The following SLC22A25 variants were observed in gnomAD, a reference collection of about 807,000 sequenced individuals.
SLC22A25 encodes MGI:2442751, MGI:2385316, MGI:3042283, MGI:3645714, MGI:3605624, MGI:2442750.
SLC22A25 carries 44 observed loss-of-function variants against 45.9 expected under a neutral mutation model. The ratio of observed to expected loss-of-function variants is 0.96; its 90% CI spans 0.75 to 1.23. SLC22A25 has a LOEUF of 1.23. Among genes scored for constraint, SLC22A25 ranks in the 50% most tolerant of loss-of-function variants. SLC22A25 has a pLI of 0.00. For missense variants in SLC22A25, 800 were observed against 666.4 expected (o/e 1.20, Z -2.21); for synonymous variants, 283 against 238.6 (o/e 1.19, Z -1.72).
chr11:63,188,815 T>C (rs188807595), intron 7 of SLC22A25, among the ~76,000 whole-genome samples: 3 of 152,358 alleles, frequency 2.0e-5, no homozygotes, highest in African/African-American at 7.2e-5. Flanking sequence ...TCAGTAGTCA[T>C]TCAAAAGCAG....
At chr11:63,222,702 T>C (rs894071296) in intron 5 of SLC22A25, among the ~76,000 whole-genome samples, 4 of 152,112 alleles carry the variant, frequency 2.6e-5, no homozygotes, top group African/African-American at 9.6e-5. Context: ...GTGTTTCAGA[T>C]CTTAGAGAAA....
intron 1 of SLC22A25, among the ~76,000 whole-genome samples, chr11:63,241,409 T>G (rs948724537): frequency 2.0e-5 from 3 of 152,122 alleles, no homozygotes; most frequent in Admixed American, 6.6e-5. Flanking sequence ...CGGTGTTCCA[T>G]GTAATAGAAA....
At position 63,187,454 on chromosome 11, in the gene SLC22A25, A is replaced by G. The variant is rs538930351; in HGVS notation, c.831-3637T>C. On this transcript the variant is annotated intron_variant, in intron 7 of 11. Transcript: ENST00000306494. ...CTTAAGGAGATTTTGGGCTGAGACAATGGGGTTTTCTAGATATACAATCAT... is the reference window on the plus strand; with the variant it reads ...CTTAAGGAGATTTTGGGCTGAGACAGTGGGGTTTTCTAGATATACAATCAT... 6.6e-5 allele frequency among the ~76,000 whole-genome samples: 10 copies of G among 152,282 alleles called. No homozygotes were observed. The South Asian group carries it at 1.7e-3, about 25-fold the overall frequency.
intron 8 of SLC22A25, 131 bp downstream of exon 8, chr11:63,183,563 A>AT: frequency 2.6e-6 from 3 of 1,153,926 alleles, no homozygotes; most frequent in Non-Finnish European, 3.7e-6. Context: ...CCCATTGAGA[A>AT]TGATCGTGAG....
chr11:63,198,891 G>C (rs1305294131), intron 7 of SLC22A25, among the ~76,000 whole-genome samples: 1 of 151,918 alleles, frequency 6.6e-6, no homozygotes, highest in Non-Finnish European at 1.5e-5. Context: ...AGCATCTCTG[G>C]GACACAGCTA....
intron 7 of SLC22A25, among the ~76,000 whole-genome samples, chr11:63,197,831 A>G (rs2089102264): frequency 6.7e-6 from 1 of 150,104 alleles, no homozygotes; most frequent in Non-Finnish European, 1.5e-5. Flanking sequence ...CTCATCTCAC[A>G]AAGGGCTAAT....
chr11:63,211,358 G>A (rs1054040273), intron 7 of SLC22A25, among the ~76,000 whole-genome samples: 23 of 152,180 alleles, frequency 1.5e-4, no homozygotes, highest in African/African-American at 5.5e-4. Flanking sequence ...GGATCTCCAG[G>A]CGGTAAACAA....
At chr11:63,232,894 T>A (rs994282224) in intron 3 of SLC22A25, among the ~76,000 whole-genome samples, 1 of 152,204 alleles carries the variant, frequency 6.6e-6, no homozygotes, top group Non-Finnish European at 1.5e-5. Flanking sequence ...GAGATAATCA[T>A]GTGGTTTTTG....
At chr11:63,232,292 A>G (rs1298322824) in intron 3 of SLC22A25, among the ~76,000 whole-genome samples, 1 of 152,030 alleles carries the variant, frequency 6.6e-6, no homozygotes, top group African/African-American at 2.4e-5. Context: ...ATTTGTTTGT[A>G]TCCTCTTTTA....
chr11:63,235,678 T>C (rs1184923015), intron 3 of SLC22A25, among the ~76,000 whole-genome samples: 1 of 152,244 alleles, frequency 6.6e-6, no homozygotes, highest in Non-Finnish European at 1.5e-5. Flanking sequence ...TTTGTTCTGT[T>C]GCTGGTGAGG....
chr11:63,227,003 A>G (rs1424192090), intron 5 of SLC22A25, among the ~76,000 whole-genome samples: 1 of 152,108 alleles, frequency 6.6e-6, no homozygotes, highest in Non-Finnish European at 1.5e-5. Context: ...GCTTGTGGTG[A>G]ATGCTTCCAG....
chr11:63,217,389 GCCAGGCTTC>G lies in SLC22A25; in HGVS notation c.746_754del (p.Gly249_Leu251del). ...GATGCACTGGTCTCGAATGACAAAA[GCCAGGCTTC>G]CCAGGGTTATATGTCCAATACTAGC... On this transcript the variant is annotated inframe_deletion, in exon 7 of 12. Coordinates refer to ENST00000306494, the MANE Select transcript of SLC22A25 (RefSeq NM_199352.6). 3 of 1,614,006 alleles carry G rather than the reference GCCAGGCTTC, an allele frequency of 1.9e-6. No homozygotes were observed. Among genetic ancestry groups the G allele is most frequent in the Non-Finnish European group, 2.5e-6 (3 of 1,180,000 alleles).
At chr11:63,232,321 T>C (rs954169261) in intron 3 of SLC22A25, among the ~76,000 whole-genome samples, 2 of 152,182 alleles carry the variant, frequency 1.3e-5, no homozygotes, top group Non-Finnish European at 2.9e-5. Flanking sequence ...AGCAGTGGTT[T>C]GTTGTTCTCC....
chr11:63,230,688 A>T (rs1344631839), intron 3 of SLC22A25, among the ~76,000 whole-genome samples: 1 of 152,244 alleles, frequency 6.6e-6, no homozygotes, highest in Non-Finnish European at 1.5e-5. Context: ...TCTAGGGTAC[A>T]TGTGCACAAC....
intron 7 of SLC22A25, among the ~76,000 whole-genome samples, chr11:63,188,479 C>T (rs4592426): frequency 6.6e-6 from 1 of 152,280 alleles, no homozygotes; most frequent in East Asian, 1.9e-4. Flanking sequence ...TATTTTGTTG[C>T]TCTTTTCAAA....
At chr11:63,180,592 AT>A in intron 9 of SLC22A25, 67 bp downstream of exon 9, 1 of 1,116,562 alleles carries the variant, frequency 9.0e-7, no homozygotes, top group East Asian at 2.5e-5. Flanking sequence ...ATGTTGTATC[AT>A]TTGAAATAAG....
intron 7 of SLC22A25, among the ~76,000 whole-genome samples, chr11:63,199,020 T>A (rs1317678930): frequency 6.6e-6 from 1 of 151,418 alleles, no homozygotes; most frequent in African/African-American, 2.4e-5. Flanking sequence ...AGCAAATAAA[T>A]CCCAAAACTA....
At chr11:63,227,625 A>T (rs1270854934) in intron 5 of SLC22A25, among the ~76,000 whole-genome samples, 1 of 152,164 alleles carries the variant, frequency 6.6e-6, no homozygotes, top group Non-Finnish European at 1.5e-5. Flanking sequence ...GGAGGGAGTG[A>T]TGTAAGCACT....
intron 10 of SLC22A25, among the ~76,000 whole-genome samples, chr11:63,165,091 G>A (rs2087634266): frequency 6.6e-6 from 1 of 152,190 alleles, no homozygotes; most frequent in Non-Finnish European, 1.5e-5. Context: ...GCAAAAGGCA[G>A]TCATAAAAGG....
Sources: gnomAD v4.1 joint callset for allele counts (sites outside exome capture counted in the v4.1 genomes callset) on GRCh38, gnomAD v4.1.1 for gene constraint, MANE v1.5 for transcripts, NCBI Gene and HGNC (gene_info 2026-07-23, HGNC 2026-07-21) for gene names.